ZFHX3: variants seen among roughly 807,000 people sequenced by gnomAD.
ZFHX3 encodes the protein zinc finger homeobox protein 3.
ZFHX3 carries 42 observed loss-of-function variants against 279.1 expected under a neutral mutation model. The observed-to-expected ratio is 0.15, with a 90% confidence interval of 0.12 to 0.19. The LOEUF is 0.19. Ranked by LOEUF, ZFHX3 falls within the 10% of genes least tolerant of loss-of-function variation. The probability of loss-of-function intolerance (pLI) is 1.00; values close to 1 mark genes in which losing one functional copy is unlikely to be tolerated. For synonymous variants in ZFHX3, 2,293 were observed against 1,957.8 expected (o/e 1.17, Z -4.52); for missense variants, 4,981 against 4,754.0 (o/e 1.05, Z -1.40).
At position 72,812,012 on chromosome 16, in the gene ZFHX3, G is replaced by T; in HGVS notation, c.3556C>A (p.Leu1186Met). 6.2e-7 allele frequency: 1 copy of T among 1,614,166 alleles called. No homozygotes were observed. The highest frequency in any genetic ancestry group is 8.5e-7 in the Non-Finnish European group (1 of 1,180,040). The change falls in exon 6 of 10, where the codon CTG (leucine) becomes ATG (methionine). Residue 1186 changes from leucine (L) to methionine (M), a missense_variant. Leu to Met is a conservative substitution (Grantham distance 15, BLOSUM62 2). Coordinates refer to ENST00000268489, the MANE Select transcript of ZFHX3 (RefSeq NM_006885.4). ...TTGGAGGTTGCAGGAGAATCTGTCA[G>T]CTCCTTCTCTGCTTGGCTGGACGAT... ...GASSSQAEKELTDSPATSKRI... is the reference protein window; with the variant it reads ...GASSSQAEKEMTDSPATSKRI...
At chr16:73,630,517 G>A (rs555066133) in intron 2 of ZFHX3, among the ~76,000 whole-genome samples, 4 of 152,328 alleles carry the variant, frequency 2.6e-5, no homozygotes, top group African/African-American at 7.2e-5. Flanking sequence ...AGGGTTTCAC[G>A]CAACTCCATA....
intron 1 of ZFHX3, among the ~76,000 whole-genome samples, chr16:73,001,653 AT>A (rs974361262): frequency 2.0e-5 from 3 of 151,358 alleles, no homozygotes; most frequent in Admixed American, 1.3e-4. Flanking sequence ...TCTCTACAAA[AT>A]TTTTTTTAAA....
In ZFHX3 at chr16:73,526,276, G is replaced by A. The variant is rs543754916; in HGVS notation, c.-1546-70018C>T. Among the ~76,000 whole-genome samples the A allele has an allele frequency of 6.6e-5, 10 of 152,308 alleles. 1 individual carries two copies. The East Asian group carries it at 1.7e-3, about 26-fold the overall frequency. On this transcript the variant is annotated intron_variant, in intron 2 of 17. Transcript: ENST00000641206. ...GTCATTACCCAAGGCTAGAAGGGTC[G>A]CTTGATTAACGAGTGACAGGCCCAA...
At chr16:73,101,073 T>C (rs1966225358) in intron 7 of ZFHX3, among the ~76,000 whole-genome samples, 2 of 152,308 alleles carry the variant, frequency 1.3e-5, no homozygotes, top group South Asian at 4.1e-4. Flanking sequence ...TAAATCCACC[T>C]GTTCCAAATC....
intron 3 of ZFHX3, chr16:73,389,130 C>T (rs1475250751): frequency 6.6e-6 from 1 of 152,210 alleles, no homozygotes; most frequent in East Asian, 1.9e-4. Context: ...CATAGCCTTT[C>T]CCCCTCGAGT....
At chr16:73,681,921 C>T (rs77642739) in intron 1 of ZFHX3, among the ~76,000 whole-genome samples, 2,223 of 152,250 alleles carry the variant, frequency 0.015, 24 homozygotes, top group Non-Finnish European at 0.023. Flanking sequence ...CCAATAAATA[C>T]GATTCCCCAA....
intron 3 of ZFHX3, among the ~76,000 whole-genome samples, chr16:73,376,410 C>G (rs577384135): frequency 6.6e-6 from 1 of 152,136 alleles, no homozygotes; most frequent in African/African-American, 2.4e-5. Context: ...TCACTCAGCT[C>G]GTCCGTAGAA....
chr16:73,833,543 G>T (rs954935687), intron 1 of ZFHX3, among the ~76,000 whole-genome samples: 4 of 151,818 alleles, frequency 2.6e-5, no homozygotes, highest in Non-Finnish European at 4.4e-5. Flanking sequence ...TCATAAGTGG[G>T]AGTTGAACAA....
chr16:73,572,344 T>C (rs1597005594), intron 2 of ZFHX3, among the ~76,000 whole-genome samples: 1 of 152,204 alleles, frequency 6.6e-6, no homozygotes, highest in East Asian at 1.9e-4. Flanking sequence ...TGTCTTCAGT[T>C]CTGTCCCCGG....
chr16:72,894,499 G>C (rs1597354706), intron 3 of ZFHX3, among the ~76,000 whole-genome samples: 1 of 152,096 alleles, frequency 6.6e-6, no homozygotes, highest in Admixed American at 6.5e-5. Flanking sequence ...CCCACCCTTG[G>C]AACCTGCCTA....
chr16:72,875,854 CCAAA>C (rs1397392898), intron 4 of ZFHX3, among the ~76,000 whole-genome samples: 1 of 152,164 alleles, frequency 6.6e-6, no homozygotes, highest in African/African-American at 2.4e-5. Context: ...GGCTGGAATT[CCAAA>C]CAGTCACGCC....
At chr16:72,963,051 T>C (rs1251995801) in intron 1 of ZFHX3, among the ~76,000 whole-genome samples, 2 of 152,120 alleles carry the variant, frequency 1.3e-5, no homozygotes, top group Admixed American at 6.5e-5. Flanking sequence ...AGAAGTCAAC[T>C]CGGCAGGTCG....
intron 1 of ZFHX3, among the ~76,000 whole-genome samples, chr16:73,769,081 C>T (rs1329386330): frequency 6.6e-6 from 1 of 152,056 alleles, no homozygotes; most frequent in African/African-American, 2.4e-5. Context: ...ACTGGGCATC[C>T]TGTATTTTTA....
At chr16:73,305,569 G>A (rs997879857) in intron 4 of ZFHX3, among the ~76,000 whole-genome samples, 3 of 151,662 alleles carry the variant, frequency 2.0e-5, no homozygotes, top group African/African-American at 7.3e-5. Context: ...ATCCAGAAGC[G>A]AGCGCTCACA....
intron 2 of ZFHX3, chr16:73,483,321 G>A (rs1321393950): frequency 2.2e-6 from 1 of 447,008 alleles, no homozygotes; most frequent in Non-Finnish European, 4.4e-6. Flanking sequence ...GAGACCAAGA[G>A]CGAGCGAGTG....
At chr16:73,715,339 T>A (rs189998240) in intron 1 of ZFHX3, among the ~76,000 whole-genome samples, 1 of 152,190 alleles carries the variant, frequency 6.6e-6, no homozygotes, top group Non-Finnish European at 1.5e-5. Context: ...ACAGACCCAG[T>A]TGACCGTCTC....
intron 5 of ZFHX3, among the ~76,000 whole-genome samples, chr16:73,153,196 G>A (rs924128822): frequency 1.3e-5 from 2 of 152,100 alleles, no homozygotes; most frequent in Non-Finnish European, 2.9e-5. Context: ...ATTCCCACCT[G>A]GAAAGTTTCT....
chr16:73,774,587 A>G (rs2054056118), intron 1 of ZFHX3, among the ~76,000 whole-genome samples: 1 of 152,190 alleles, frequency 6.6e-6, no homozygotes, highest in Non-Finnish European at 1.5e-5. Flanking sequence ...ATGCTTGTCT[A>G]TGCACCCCCC....
At chr16:73,835,894 T>G (rs193021205) in intron 1 of ZFHX3, among the ~76,000 whole-genome samples, 13 of 152,294 alleles carry the variant, frequency 8.5e-5, no homozygotes, top group Admixed American at 1.3e-4. Flanking sequence ...TGTGCCGTAC[T>G]CCCTGTTCTC....
Sources: gnomAD v4.1 joint callset for allele counts (sites outside exome capture counted in the v4.1 genomes callset) on GRCh38, gnomAD v4.1.1 for gene constraint, MANE v1.5 for transcripts, NCBI Gene and HGNC (gene_info 2026-07-23, HGNC 2026-07-21) for gene names.